The following HACD3 variants were observed in gnomAD, a reference collection of about 807,000 sequenced individuals.
HACD3 encodes 3-hydroxyacyl-CoA dehydratase 3, also known as very-long-chain (3R)-3-hydroxyacyl-CoA dehydratase 3.
A neutral mutation model predicts 55.2 loss-of-function variants in HACD3; 30 were observed. The ratio of observed to expected loss-of-function variants is 0.54; its 90% CI spans 0.41 to 0.74. The LOEUF is 0.74. Among genes scored for constraint, HACD3 ranks in the 30% least tolerant of loss-of-function variants. The pLI is 0.00. For synonymous variants in HACD3, 141 were observed against 151.7 expected (o/e 0.93, Z 0.52); for missense variants, 363 against 440.1 (o/e 0.82, Z 1.57).
intron 3 of HACD3, among the ~76,000 whole-genome samples, chr15:65,555,783 G>A (rs944708741): frequency 1.3e-5 from 2 of 152,198 alleles, no homozygotes; most frequent in African/African-American, 4.8e-5. Context: ...ATCCAATACA[G>A]TTCTGATCTT....
intron 1 of HACD3, among the ~76,000 whole-genome samples, chr15:65,536,583 C>T (rs920701521): frequency 7.9e-5 from 12 of 152,006 alleles, no homozygotes; most frequent in Non-Finnish European, 1.2e-4. Flanking sequence ...GGTGAAACCC[C>T]GTCTCTACTA....
At chr15:65,572,928 A>AT (rs1567341529) in intron 10 of HACD3, among the ~76,000 whole-genome samples, 1 of 125,970 alleles carries the variant, frequency 7.9e-6, no homozygotes, top group East Asian at 2.0e-4. Context: ...AAAAAAAAAA[A>AT]AATAAATAAA....
chr15:65,568,477 G>C (rs1436150626), intron 7 of HACD3, among the ~76,000 whole-genome samples: 1 of 151,414 alleles, frequency 6.6e-6, no homozygotes, highest in Non-Finnish European at 1.5e-5. Context: ...TCCTACCTCA[G>C]CCTCCCGAGT....
chr15:65,556,640 A>AAT, intron 3 of HACD3, 99 bp from the exon 4 acceptor site: 1 of 1,247,212 alleles, frequency 8.0e-7, no homozygotes, highest in Non-Finnish European at 1.1e-6. Flanking sequence ...AAAGAAGGAG[A>AAT]ATAAATATAT....
At chr15:65,530,900 G>T in intron 1 of HACD3, 182 bp downstream of exon 1, 1 of 592,460 alleles carries the variant, frequency 1.7e-6, no homozygotes, top group Non-Finnish European at 2.8e-6. Flanking sequence ...TCTCGGGCCG[G>T]GGGCACAACC....
intron 1 of HACD3, chr15:65,535,957 T>C: frequency 4.7e-6 from 2 of 427,756 alleles, no homozygotes; most frequent in East Asian, 7.0e-5. Context: ...CCCAGATCCC[T>C]GAGGTTACAG....
intron 3 of HACD3, among the ~76,000 whole-genome samples, chr15:65,555,274 C>T (rs1343536323): frequency 6.6e-6 from 1 of 152,166 alleles, no homozygotes; most frequent in Non-Finnish European, 1.5e-5. Context: ...CTGATATTCT[C>T]TGGTTTTAGT....
intron 1 of HACD3, among the ~76,000 whole-genome samples, chr15:65,537,949 AAAAAAAAAAATAT>A (rs2071975075): frequency 7.0e-5 from 4 of 57,052 alleles, no homozygotes; most frequent in East Asian, 6.4e-4. Context: ...AAAAAAAAAA[AAAAAAAAAAATAT>A]ATATATATAT....
intron 1 of HACD3, among the ~76,000 whole-genome samples, chr15:65,544,828 CCTGA>C: frequency 6.6e-6 from 1 of 152,196 alleles, no homozygotes; most frequent in South Asian, 2.1e-4. Context: ...TTGAGACCAA[CCTGA>C]CTAACATGGA....
intron 10 of HACD3, among the ~76,000 whole-genome samples, chr15:65,575,188 G>GTTT (rs1247642156): frequency 2.9e-5 from 4 of 137,268 alleles, no homozygotes; most frequent in Admixed American, 7.3e-5. Flanking sequence ...GGACTTTTTA[G>GTTT]TTTTTTTTTT....
At chr15:65,557,421 G>A (rs2072203885) in intron 4 of HACD3, among the ~76,000 whole-genome samples, 1 of 151,206 alleles carries the variant, frequency 6.6e-6, no homozygotes, top group Non-Finnish European at 1.5e-5. Context: ...CTTGCCGTGA[G>A]CCGAGATCAC....
rs755831959 is a variant in HACD3, at chr15:65,551,691, A to T, written c.103A>T (p.Ile35Phe). The T allele has an allele frequency of 6.2e-7, 1 of 1,614,008 alleles. No homozygotes were observed. The highest frequency in any genetic ancestry group is 8.5e-7 in the Non-Finnish European group (1 of 1,179,884). The change falls in exon 2 of 11, where the codon ATC becomes TTC. Residue 35 changes from isoleucine to phenylalanine, a missense_variant. Coordinates refer to ENST00000261875, the MANE Select transcript of HACD3 (RefSeq NM_016395.4). ...CTTTTCACAGAACCCTGCCATCAGC[A>T]TCACTGAAAACGTGCTGCATTTCAA... ...LSDVQNPAIS[I>F]TENVLHFKAQ...
At chr15:65,540,067 T>A (rs190811780) in intron 1 of HACD3, among the ~76,000 whole-genome samples, 24 of 152,350 alleles carry the variant, frequency 1.6e-4, no homozygotes, top group South Asian at 4.1e-4. Context: ...TTTCTTTTTT[T>A]AAAAATTGAG....
At chr15:65,564,126 A>T (rs2072269474) in intron 6 of HACD3, 89 bp from the exon 7 acceptor site, 17 of 1,452,674 alleles carry the variant, frequency 1.2e-5, no homozygotes, top group Non-Finnish European at 1.6e-5. Context: ...TCTTACAGTT[A>T]TTTTCACGAA....
intron 1 of HACD3, among the ~76,000 whole-genome samples, chr15:65,545,599 A>T (rs1017526389): frequency 1.4e-5 from 2 of 141,886 alleles, no homozygotes; most frequent in Non-Finnish European, 3.0e-5. Flanking sequence ...GCCTGCCACC[A>T]GGCCCGGCTA....
rs11298076 is a variant in HACD3 at position 65,534,050 on chromosome 15, C to CA, written c.87+3347dup. Among the ~76,000 whole-genome samples the CA allele has an allele frequency of 7.8e-3, 1,069 of 136,844 alleles. 16 individuals are homozygous for CA. Among genetic ancestry groups the CA allele is most frequent in the African/African-American group, 0.027 (1,013 of 37,496 alleles). 89.8% of individuals were successfully genotyped at this position (136,844 alleles called of 152,430 possible). On this transcript the variant is annotated intron_variant, in intron 1 of 10. Transcript: ENST00000261875. ...TGGGGGACAGAGCGAGACTCCGTCTCAAAAAAAAAAAAAAAGAAAAGAAAC... is the reference window on the plus strand; with the variant it reads ...TGGGGGACAGAGCGAGACTCCGTCTCAAAAAAAAAAAAAAAAGAAAAGAAAC...
chr15:65,541,255 A>G (rs1324736347), intron 1 of HACD3, among the ~76,000 whole-genome samples: 2 of 152,092 alleles, frequency 1.3e-5, no homozygotes, highest in East Asian at 3.9e-4. Flanking sequence ...ATGCACCACT[A>G]TTTTATTTTT....
intron 1 of HACD3, among the ~76,000 whole-genome samples, chr15:65,546,607 T>C (rs1044468004): frequency 8.5e-5 from 13 of 152,188 alleles, no homozygotes; most frequent in African/African-American, 3.1e-4. Context: ...TTTTCTTTTT[T>C]TACTTGAGAC....
chr15:65,562,812 A>C lies in HACD3; in HGVS notation c.460A>C (p.Asn154His). ...AAGGAAAGGATACCTGTTTATGTAT[A>C]ATCTTGTGCAATTCTTGGGATTCTC... ...NLRKGYLFMY[N>H]LVQFLGFSWI... The change falls in exon 6 of 11, where the codon AAT (asparagine) becomes CAT (histidine). Residue 154 changes from asparagine to histidine, a missense_variant. Coordinates refer to ENST00000261875, the MANE Select transcript of HACD3 (RefSeq NM_016395.4). 6.2e-7 allele frequency: 1 copy of C among 1,613,924 alleles called. No homozygotes were observed. Among genetic ancestry groups the C allele is most frequent in the Middle Eastern group, 1.6e-4 (1 of 6,062 alleles).
Sources: allele counts gnomAD v4.1 joint callset (sites outside exome capture counted in the v4.1 genomes callset), GRCh38; gene constraint gnomAD v4.1.1; transcripts MANE v1.5; gene names NCBI Gene and HGNC (gene_info 2026-07-23, HGNC 2026-07-21).